SELENOM: variants seen among roughly 807,000 people sequenced by gnomAD.
SELENOM encodes selenoprotein SelM.
Under a neutral mutation model 14.5 loss-of-function variants are expected in SELENOM, and 17 were observed. That is an observed-to-expected ratio of 1.17 (90% CI 0.80 to 1.76). SELENOM has a LOEUF of 1.76. SELENOM is among the 40% of genes most tolerant of loss of function. SELENOM has a pLI of 0.00. For missense variants in SELENOM, 230 were observed against 204.6 expected (o/e 1.12, Z -0.76); for synonymous variants, 102 against 93.3 (o/e 1.09, Z -0.54).
chr22:31,105,044 C>T lies in SELENOM; in HGVS notation c.364G>A (p.Ala122Thr). 1.2e-6 allele frequency: 2 copies of T among 1,611,718 alleles called. No homozygotes were observed. The highest frequency in any genetic ancestry group is 8.5e-7 in the Non-Finnish European group (1 of 1,179,524). ...LGFYRKAAPD[A>T]QVPPEYVWAP... ...CACACGTACTCGGGGGGCACCTGCG[C>T]GTCGGGCGCCGCCTTGCGGTAGAAG... The change falls in exon 5 of 5, where the codon GCG (alanine) becomes ACG (threonine). Residue 122 changes from alanine (A) to threonine (T), a missense_variant. Physicochemically the swap from Ala to Thr is moderately conservative, Grantham distance 58. Coordinates refer to ENST00000400299, the MANE Select transcript of SELENOM (RefSeq NM_080430.4).
In SELENOM at chr22:31,104,875, G is replaced by C. The variant is rs2044370488; in HGVS notation, c.*95C>G. On this transcript the variant is annotated 3_prime_UTR_variant, in exon 5 of 5. Coordinates refer to ENST00000400299, the MANE Select transcript of SELENOM (RefSeq NM_080430.4). Reference sequence around the variant, plus strand: ...CCTGCTGGCCCGGGGACGGGCATCGGCTCTCAGCAAGAGAAGTATTCCCGG... The same window carrying C: ...CCTGCTGGCCCGGGGACGGGCATCGCCTCTCAGCAAGAGAAGTATTCCCGG... The C allele has an allele frequency of 7.4e-7, 1 of 1,360,158 alleles. No individual in the cohort carries two copies. Among genetic ancestry groups the C allele is most frequent in the Non-Finnish European group, 9.8e-7 (1 of 1,022,068 alleles). 84.3% of individuals were successfully genotyped at this position (1,360,158 alleles called of 1,614,324 possible). A position where few individuals can be genotyped will look rare whatever the true frequency, so the allele number is the denominator to read the frequency against.
Position 31,107,513 on chromosome 22 carries a change from C to T in SELENOM, c.-8G>A. On this transcript the variant is annotated 5_prime_UTR_variant, in exon 1 of 5. Transcript: ENST00000400299. Reference sequence around the variant, plus strand: ...AGGCAACAGGAGGCTCATCGGGACCCGGCCGCAGATGATGCGCAAGCTGGA... The same window carrying T: ...AGGCAACAGGAGGCTCATCGGGACCTGGCCGCAGATGATGCGCAAGCTGGA... The T allele has an allele frequency of 2.6e-6, 4 of 1,536,400 alleles. No homozygotes were observed. The highest frequency in any genetic ancestry group is 2.6e-6 in the Non-Finnish European group (3 of 1,142,640).
rs547988236 is a variant in SELENOM at position 31,105,561 on chromosome 22, T to A, written c.200+97A>T. ...GGGAGCCACTACCAATCAATTCAAC[T>A]TGTCAGTTGAAAACCATCTGCCACC... On this transcript the variant is annotated intron_variant, in intron 3 of 4. Transcript: ENST00000400299. 2.1e-4 allele frequency: 266 copies of A among 1,273,404 alleles called. 1 individual carries two copies. The highest frequency in any genetic ancestry group is 9.2e-4 in the Admixed American group (54 of 58,992). The allele number at this position is 1,273,404 out of a possible 1,614,324, so 78.9% of individuals were successfully genotyped here. A position where few individuals can be genotyped will look rare whatever the true frequency, so the allele number is the denominator to read the frequency against.
chr22:31,105,347 T>C (rs1248389193), intron 3 of SELENOM, 61 bp from the exon 4 acceptor site: 5 of 1,475,660 alleles, frequency 3.4e-6, no homozygotes, highest in South Asian at 1.2e-5. Context: ...TCCGCAGCCT[T>C]ACTGATGGGA....
intron 1 of SELENOM, 166 bp from the exon 2 acceptor site, chr22:31,106,131 G>C (rs2044402767): frequency 3.0e-6 from 2 of 676,972 alleles, no homozygotes; most frequent in Admixed American, 2.1e-5. Flanking sequence ...GGGCAGAAGG[G>C]GGAACTGTGT....
In SELENOM at chr22:31,106,985, T is replaced by C. The variant is rs537806751; in HGVS notation, c.129+392A>G. On this transcript the variant is annotated intron_variant, in intron 1 of 4. Transcript: ENST00000400299. ...CCCCCCAGGAGAAGGAAAAGAGACTTTCTGGAGCCTCCAGCCCTGGAACCG... is the reference window on the plus strand; with the variant it reads ...CCCCCCAGGAGAAGGAAAAGAGACTCTCTGGAGCCTCCAGCCCTGGAACCG... 2.0e-3 allele frequency: 318 copies of C among 162,546 alleles called. 2 individuals carry two copies. Among genetic ancestry groups the C allele is most frequent in the African/African-American group, 7.4e-3 (312 of 41,910 alleles). The allele number at this position is 162,546 out of a possible 1,614,324, so 10.1% of individuals were successfully genotyped here.
Position 31,105,064 on chromosome 22 carries a change from T to C in SELENOM, c.344A>G (p.Tyr115Cys), listed in dbSNP as rs747391154. 6.2e-7 allele frequency: 1 copy of C among 1,612,470 alleles called. No individual in the cohort carries two copies. The highest frequency in any genetic ancestry group is 8.5e-7 in the Non-Finnish European group (1 of 1,179,714). ...CTGCGCGTCGGGCGCCGCCTTGCGG[T>C]AGAAGCCGAGCTCCTGCACTAGCGC... ...INALVQELGF[Y>C]RKAAPDAQVP... Residue 115 changes from tyrosine to cysteine, a missense_variant, in exon 5 of 5, where the codon TAC (tyrosine) becomes TGC (cysteine). By Grantham distance (194) the Tyr-to-Cys change is radical. Transcript: ENST00000400299.
At chr22:31,105,621 C>A (rs2044394627) in intron 3 of SELENOM, 37 bp downstream of exon 3, 3 of 1,604,164 alleles carry the variant, frequency 1.9e-6, no homozygotes, top group Non-Finnish European at 2.6e-6. Flanking sequence ...CTCCCAGGTG[C>A]CCATCCCATT....
chr22:31,106,300 A>G, intron 1 of SELENOM: 1 of 399,028 alleles, frequency 2.5e-6, no homozygotes, highest in Non-Finnish European at 4.7e-6. Context: ...CTTAAGCAGT[A>G]GAGACCTGGG....
In SELENOM at chr22:31,105,894, G is replaced by C. The variant is rs775535772; in HGVS notation, c.165+36C>G. 1.1e-5 allele frequency: 17 copies of C among 1,606,714 alleles called. No individual in the cohort carries two copies. The East Asian group carries it at 3.6e-4, about 34-fold the overall frequency. On this transcript the variant is annotated intron_variant, in intron 2 of 4. Transcript: ENST00000400299. ...TTGCCCACTCCCCAAGAGGCTCAGG[G>C]GGAACAGAGCTAGGGACCTCTTCCT... is the stretch of plus-strand genomic sequence containing the variant.
rs1425437329 is a variant in SELENOM, at chr22:31,107,358, T to G, written c.129+19A>C. 6.9e-6 allele frequency: 11 copies of G among 1,587,454 alleles called. No individual in the cohort carries two copies. The highest frequency in any genetic ancestry group is 1.8e-4 in the Middle Eastern group (1 of 5,540). On this transcript the variant is annotated intron_variant, in intron 1 of 4. Transcript: ENST00000400299. ...GGTTGGGGAACGATAGTGCCGGGGC[T>G]GGAGGCCGGCGTACTCACCTCTACC...
rs765168425 is a variant in SELENOM, at chr22:31,105,675, C to A, written c.183G>T (p.Thr61=). The A allele has an allele frequency of 6.2e-7, 1 of 1,614,084 alleles. No homozygotes were observed. Among genetic ancestry groups the A allele is most frequent in the South Asian group, 1.1e-5 (1 of 91,086 alleles). Reference sequence around the variant, plus strand: ...AAGGATACTAGAATGGAATGTCCTGCGTGACGAAAGCCTTCACCTGGGGAG... The same window carrying A: ...AAGGATACTAGAATGGAATGTCCTGAGTGACGAAAGCCTTCACCTGGGGAG... The part of the protein sequence containing the change: ...NRLKEVKAFV[T]QDIPFYHNLV... The change falls in exon 3 of 5, where the codon ACG becomes ACT. Residue 61 remains threonine, a synonymous_variant. Coordinates refer to ENST00000400299, the MANE Select transcript of SELENOM (RefSeq NM_080430.4).
chr22:31,107,495 A>G lies in SELENOM; in HGVS notation c.11T>C (p.Leu4Pro). The G allele has an allele frequency of 6.4e-7, 1 of 1,552,406 alleles. No homozygotes were observed. The highest frequency in any genetic ancestry group is 1.2e-5 in the South Asian group (1 of 84,774). Residue 4 changes from leucine (L) to proline (P), a missense_variant, in exon 1 of 5, where the codon CTG becomes CCG. Leu to Pro is a moderately conservative substitution (Grantham distance 98). Transcript: ENST00000400299. MSL[L>P]LPPLALLLLL... ...CAGCAGCAGCGCCAGCGGAGGCAAC[A>G]GGAGGCTCATCGGGACCCGGCCGCA...
intron 1 of SELENOM, 80 bp from the exon 2 acceptor site, chr22:31,106,045 C>G: frequency 7.4e-7 from 1 of 1,351,092 alleles, no homozygotes; most frequent in Non-Finnish European, 1.1e-6. Context: ...ACTTCCTTAT[C>G]CCTGAGTTGG....
chr22:31,106,165 T>C (rs2044403359), intron 1 of SELENOM, 200 bp from the exon 2 acceptor site: 2 of 612,822 alleles, frequency 3.3e-6, no homozygotes, highest in Non-Finnish European at 5.9e-6. Flanking sequence ...GACTCAGGCC[T>C]AGAGACACCA....
At chr22:31,105,585 C>T in intron 3 of SELENOM, 73 bp downstream of exon 3, 1 of 1,459,934 alleles carries the variant, frequency 6.8e-7, no homozygotes, top group Non-Finnish European at 9.6e-7. Flanking sequence ...CCATCTGCCA[C>T]CCCTTTCTGA....
At chr22:31,106,036 C>T (rs1819030104) in intron 1 of SELENOM, 71 bp from the exon 2 acceptor site, 1 of 1,411,354 alleles carries the variant, frequency 7.1e-7, no homozygotes, top group Non-Finnish European at 1.0e-6. Flanking sequence ...CAAAGCCATA[C>T]TTCCTTATCC....
At chr22:31,105,315 TGGGC>T in intron 3 of SELENOM, 29 bp from the exon 4 acceptor site, 1 of 1,589,650 alleles carries the variant, frequency 6.3e-7, no homozygotes. Flanking sequence ...AGCGGGGTGG[TGGGC>T]AGAGGGAGGT....
rs115134124 is a variant in SELENOM, at chr22:31,105,135, C to T, written c.280-7G>A. ...TTTCACTGAGTGGGATGCGCTGAGG[C>T]GGAGGAGGGGCGGGGTCAGCAGGCT... On this transcript the variant is annotated splice_region_variant and splice_polypyrimidine_tract_variant and intron_variant, in intron 4 of 4. Coordinates refer to ENST00000400299, the MANE Select transcript of SELENOM (RefSeq NM_080430.4). 1.3e-3 allele frequency: 2,132 copies of T among 1,613,410 alleles called. 33 individuals carry two copies. The African/African-American group carries it at 0.026, about 20-fold the overall frequency.
Sources: gnomAD v4.1 joint callset for allele counts on GRCh38, gnomAD v4.1.1 for gene constraint, MANE v1.5 for transcripts, NCBI Gene and HGNC (gene_info 2026-07-23, HGNC 2026-07-21) for gene names.